Variants in SVBP observed in about 807,000 individuals in gnomAD.
SVBP encodes small vasohibin binding protein, also known as small vasohibin-binding protein.
SVBP carries 9 observed loss-of-function variants against 9.2 expected under a neutral mutation model. The ratio of observed to expected loss-of-function variants is 0.98; its 90% CI spans 0.59 to 1.71. SVBP has a LOEUF of 1.71. Among genes scored for constraint, SVBP ranks in the 40% most tolerant of loss-of-function variants. The pLI is 0.00. For missense variants in SVBP, 63 were observed against 73.2 expected, an observed-to-expected ratio of 0.86 and a Z score of 0.51; for synonymous variants, 27 against 23.9, an observed-to-expected ratio of 1.13 and a Z score of -0.37.
intron 2 of SVBP, among the ~76,000 whole-genome samples, chr1:42,814,426 G>A (rs897112672): frequency 1.6e-4 from 24 of 151,672 alleles, no homozygotes; most frequent in African/African-American, 5.6e-4. Flanking sequence ...TGACAATATC[G>A]GCCGGGTGCA....
chr1:42,813,013 T>C (rs1654112369), intron 2 of SVBP, among the ~76,000 whole-genome samples: 4 of 152,176 alleles, frequency 2.6e-5, no homozygotes. Flanking sequence ...GACCAAACTA[T>C]GTGAAAAAAA....
chr1:42,816,270 A>C, intron 2 of SVBP, 161 bp downstream of exon 2: 1 of 546,140 alleles, frequency 1.8e-6, no homozygotes, highest in Admixed American at 3.6e-5. Context: ...CTGCCACCTC[A>C]CCATTCTGAA....
At chr1:42,816,719 G>A (rs1654220602) in intron 1 of SVBP, 139 bp from the exon 2 acceptor site, 4 of 560,672 alleles carry the variant, frequency 7.1e-6, no homozygotes, top group Non-Finnish European at 1.3e-5. Flanking sequence ...GGCGCTGGAT[G>A]TGGGGGAGTA....
intron 2 of SVBP, among the ~76,000 whole-genome samples, chr1:42,812,910 A>G (rs1654110618): frequency 6.6e-6 from 1 of 152,192 alleles, no homozygotes; most frequent in Non-Finnish European, 1.5e-5. Flanking sequence ...TTCCCTATTC[A>G]TTCTACTTGT....
rs148909057 is a variant in SVBP at position 42,813,637 on chromosome 1, G to T, written c.114+2794C>A. The T allele has an allele frequency of 1.7e-3, 885 of 528,838 alleles. 10 individuals are homozygous for T. The highest frequency in any genetic ancestry group is 7.9e-3 in the South Asian group (559 of 70,870). 32.8% of individuals were successfully genotyped at this position (528,838 alleles called of 1,614,324 possible). A position where few individuals can be genotyped will look rare whatever the true frequency, so the allele number is the denominator to read the frequency against. On this transcript the variant is annotated intron_variant, in intron 2 of 2. Transcript: ENST00000372521. ...ATTGGTGTGAGGTAACCACATATGGGCTGGCAACTGGTTCTCCATTTCCCA... is the reference window on the plus strand; with the variant it reads ...ATTGGTGTGAGGTAACCACATATGGTCTGGCAACTGGTTCTCCATTTCCCA...
chr1:42,807,648 A>T, intron 2 of SVBP, 148 bp from the exon 3 acceptor site: 1 of 611,046 alleles, frequency 1.6e-6, no homozygotes, highest in Non-Finnish European at 2.9e-6. Flanking sequence ...GGAAAGTTAG[A>T]TATTAGTTCC....
At chr1:42,813,610 T>G (rs1488204082) in intron 2 of SVBP, 3 of 529,182 alleles carry the variant, frequency 5.7e-6, no homozygotes, top group Non-Finnish European at 1.2e-5. Context: ...CAGTCACTTT[T>G]GATTGGTGTG....
chr1:42,816,395 G>T (rs1557600624), intron 2 of SVBP, 36 bp downstream of exon 2: 4 of 1,393,408 alleles, frequency 2.9e-6, no homozygotes, highest in Non-Finnish European at 3.1e-6. Context: ...ATCTCCAGCA[G>T]ACTACAGGCA....
Position 42,808,149 on chromosome 1 carries a change from GTATATATATATATATA to G in SVBP, c.115-665_115-650del, listed in dbSNP as rs781743959. ...ATGTGAATATAGTGTGTGTGTGTGT[GTATATATATATATATA>G]TATATATATATATACATACTATGTA... On this transcript the variant is annotated intron_variant, in intron 2 of 2. Transcript: ENST00000372521. Among the ~76,000 whole-genome samples, 30 of 58,322 alleles carry G rather than the reference GTATATATATATATATA, an allele frequency of 5.1e-4. 1 individual carries two copies. Among genetic ancestry groups the G allele is most frequent in the Admixed American group, 2.1e-3 (10 of 4,852 alleles). The allele number at this position is 58,322 out of a possible 152,430, so 38.3% of individuals were successfully genotyped here. A position where few individuals can be genotyped will look rare whatever the true frequency, so the allele number is the denominator to read the frequency against.
intron 2 of SVBP, among the ~76,000 whole-genome samples, chr1:42,814,746 A>G (rs1276494991): frequency 6.6e-6 from 1 of 152,204 alleles, no homozygotes; most frequent in Non-Finnish European, 1.5e-5. Context: ...GTGGAGAAAT[A>G]GGAACACTTT....
rs1163468176 is a variant in SVBP at position 42,814,892 on chromosome 1, C to CGT, written c.114+1538_114+1539insAC. ...GGTATATACCCAAAGGATTATAAAC[C>CGT]ATGCTGCTATAAAGACACATGCACA... is the stretch of plus-strand genomic sequence containing the variant. On this transcript the variant is annotated intron_variant, in intron 2 of 2. Transcript: ENST00000372521. Among the ~76,000 whole-genome samples, 157 of 152,260 alleles carry CGT rather than the reference C, an allele frequency of 1.0e-3. 1 individual carries two copies. Among genetic ancestry groups the CGT allele is most frequent in the Middle Eastern group, 6.8e-3 (2 of 294 alleles).
At chr1:42,808,141 G>GTATATATATATATA (rs1305299239) in intron 2 of SVBP, among the ~76,000 whole-genome samples, 12 of 41,670 alleles carry the variant, frequency 2.9e-4, no homozygotes, top group South Asian at 1.0e-3. Flanking sequence ...TATAGTGTGT[G>GTATATATATATATA]TGTGTGTGTA....
Position 42,816,433 on chromosome 1 carries a change from C to G in SVBP, c.112G>C (p.Glu38Gln), listed in dbSNP as rs1291176491. The G allele has an allele frequency of 3.1e-6, 5 of 1,607,820 alleles. No homozygotes were observed. The East Asian group carries it at 1.1e-4, about 36-fold the overall frequency. The change falls in exon 2 of 3, where the codon GAG becomes CAG. Residue 38 changes from glutamate to glutamine, a missense_variant and splice_region_variant. Glu to Gln is a conservative substitution (Grantham distance 29, BLOSUM62 2). Transcript: ENST00000372521. The part of the protein sequence containing the change: ...QQELKQRQRA[E>Q]IYALNRVMTE... ...CAGAGCCTCCGCCTTAATCTCACCT[C>G]TGCTCTTTGTCTCTGCTTCAGCTCC...
chr1:42,809,650 C>T (rs1432019633), intron 2 of SVBP, among the ~76,000 whole-genome samples: 1 of 152,116 alleles, frequency 6.6e-6, no homozygotes, highest in Non-Finnish European at 1.5e-5. Flanking sequence ...CTTGAATATT[C>T]CTGTCATCTT....
chr1:42,813,389 G>C, intron 2 of SVBP: 2 of 514,020 alleles, frequency 3.9e-6, no homozygotes, highest in Non-Finnish European at 7.7e-6. Flanking sequence ...TGTTGTGTTT[G>C]AACACCATCT....
chr1:42,807,153 G>GTGTGT lies in SVBP; in HGVS notation c.*260_*261insACACA, dbSNP rs370658595. ...AATAGAAAAAGTGTTTTTTGTGTGT[G>GTGTGT]TTTTTTTTTTTTTTTTAAAAAAACC... is the stretch of plus-strand genomic sequence containing the variant. On this transcript the variant is annotated 3_prime_UTR_variant, in exon 3 of 3. Transcript: ENST00000372521. The GTGTGT allele has an allele frequency of 1.1e-5, 2 of 181,134 alleles. No homozygotes were observed. Among genetic ancestry groups the GTGTGT allele is most frequent in the Non-Finnish European group, 2.1e-5 (2 of 93,644 alleles). The allele number at this position is 181,134 out of a possible 1,614,324, so 11.2% of individuals were successfully genotyped here.
chr1:42,816,392 GC>G, intron 2 of SVBP, 38 bp downstream of exon 2: 2 of 1,368,036 alleles, frequency 1.5e-6, no homozygotes, highest in Non-Finnish European at 2.1e-6. Context: ...ATCATCTCCA[GC>G]AGACTACAGG....
rs921544517 is a variant in SVBP at position 42,817,254 on chromosome 1, G to C, written c.-101C>G. 4 of 1,251,224 alleles carry C rather than the reference G, an allele frequency of 3.2e-6. No homozygotes were observed. In the African/African-American group the frequency reaches 6.4e-5, roughly 20 times the overall value. The allele number at this position is 1,251,224 out of a possible 1,614,324, so 77.5% of individuals were successfully genotyped here. A position where few individuals can be genotyped will look rare whatever the true frequency, so the allele number is the denominator to read the frequency against. On this transcript the variant is annotated 5_prime_UTR_variant, in exon 1 of 3. Transcript: ENST00000372521. ...AGTCGCAGACAACGCCTCCGGGAGG[G>C]TAATCCTCGCCTTCCCCCGACCACT...
In SVBP at chr1:42,817,205, C is replaced by G; in HGVS notation, c.-52G>C. 1 of 1,256,298 alleles carries G rather than the reference C, an allele frequency of 8.0e-7. No individual in the cohort carries two copies. Among genetic ancestry groups the G allele is most frequent in the Non-Finnish European group, 1.0e-6 (1 of 974,138 alleles). The allele number at this position is 1,256,298 out of a possible 1,614,324, so 77.8% of individuals were successfully genotyped here. ...GAGTCTGTACCTTTCCCGACCGGGC[C>G]ACTGGAAGTTGGAGCCTCCGCCGAG... On this transcript the variant is annotated 5_prime_UTR_variant, in exon 1 of 3. Transcript: ENST00000372521.
Sources: allele counts gnomAD v4.1 joint callset (sites outside exome capture counted in the v4.1 genomes callset), GRCh38; gene constraint gnomAD v4.1.1; transcripts MANE v1.5; gene names NCBI Gene and HGNC (gene_info 2026-07-23, HGNC 2026-07-21).